The following TNS1 variants were observed in gnomAD, a reference collection of about 807,000 sequenced individuals.
The protein encoded by TNS1 is tensin 1.
TNS1 carries 62 observed loss-of-function variants against 168.6 expected under a neutral mutation model. The observed-to-expected ratio is 0.37, with a 90% CI of 0.30 to 0.45. The LOEUF (loss-of-function observed/expected upper bound fraction) is 0.45. Among genes scored for constraint, TNS1 ranks in the 20% least tolerant of loss-of-function variants. The pLI is 1.00. For synonymous variants in TNS1, 934 were observed against 933.2 expected (o/e 1.00, Z -0.02); for missense variants, 2,240 against 2,339.4 (o/e 0.96, Z 0.88).
chr2:218,014,178 C>T (rs1343447309), upstream of TNS1, among the ~76,000 whole-genome samples: 1 of 152,200 alleles, frequency 6.6e-6, no homozygotes, highest in Non-Finnish European at 1.5e-5. Flanking sequence ...ATCACTTGGG[C>T]ATCTGATCGG....
At chr2:217,879,604 G>A (rs879817935) in intron 18 of TNS1, 2 of 291,084 alleles carry the variant, frequency 6.9e-6, no homozygotes, top group Non-Finnish European at 1.4e-5. Flanking sequence ...TGCTCTCAGT[G>A]AGTCCCCAAA....
At chr2:217,970,185 G>A (rs1184876364) in intron 3 of TNS1, among the ~76,000 whole-genome samples, 1 of 152,150 alleles carries the variant, frequency 6.6e-6, no homozygotes, top group African/African-American at 2.4e-5. Flanking sequence ...GGTTTCAGAG[G>A]GAGCACAGGC....
chr2:217,823,494 C>T (rs974226096), intron 22 of TNS1, among the ~76,000 whole-genome samples: 1 of 152,238 alleles, frequency 6.6e-6, no homozygotes, highest in African/African-American at 2.4e-5. Context: ...CCAGCCTTTG[C>T]TGCATAGGGG....
rs149540382 is a variant in TNS1, at chr2:217,848,144, C to T, written c.2373G>A (p.Gln791=). ...QQQQPRPPPR[Q]QERAHLESLV... is the part of the protein sequence containing the mutation. ...GACTCTCCAAGTGGGCTCTTTCCTG[C>T]TGGCGTGGAGGTGGGCGAGGCTGCT... The change falls in exon 19 of 33, where the codon CAG becomes CAA. Residue 791 remains glutamine (Q), a synonymous_variant. Transcript: ENST00000682258. 11 of 1,599,100 alleles carry T rather than the reference C, an allele frequency of 6.9e-6. No individual in the cohort carries two copies. In the African/African-American group the frequency reaches 1.1e-4, roughly 16 times the overall value.
chr2:217,816,560 C>T (rs1359718126), intron 24 of TNS1, among the ~76,000 whole-genome samples: 2 of 152,182 alleles, frequency 1.3e-5, no homozygotes, highest in Non-Finnish European at 2.9e-5. Flanking sequence ...CTGCCTTTCT[C>T]TGTCTGAAGC....
chr2:217,921,761 C>A (rs1013523559), intron 3 of TNS1, among the ~76,000 whole-genome samples: 16 of 152,254 alleles, frequency 1.1e-4, no homozygotes, highest in African/African-American at 3.9e-4. Context: ...CAATAATACC[C>A]AATACTATTG....
intron 3 of TNS1, among the ~76,000 whole-genome samples, chr2:217,930,417 A>C (rs1317077895): frequency 6.6e-6 from 1 of 152,188 alleles, no homozygotes; most frequent in African/African-American, 2.4e-5. Context: ...GAGAACACAA[A>C]GAGACCAGTT....
intron 6 of TNS1, chr2:217,905,456 C>A: frequency 2.6e-6 from 1 of 390,584 alleles, no homozygotes. Flanking sequence ...GGGAGTCAGG[C>A]TGCCTATAGG....
At chr2:217,853,626 C>T (rs1947787761) in intron 18 of TNS1, among the ~76,000 whole-genome samples, 1 of 152,128 alleles carries the variant, frequency 6.6e-6, no homozygotes, top group Non-Finnish European at 1.5e-5. Flanking sequence ...AACCCAAAAT[C>T]TCTCCATGGC....
chr2:217,836,265 T>A lies in TNS1; in HGVS notation c.3008-54A>T, dbSNP rs1300073413. The A allele has an allele frequency of 2.0e-6, 3 of 1,535,736 alleles. No individual in the cohort carries two copies. In the African/African-American group the frequency reaches 4.1e-5, roughly 21 times the overall value. ...ATGAGCATTTTTGTGTAAGAAATGA[T>A]CAATCGGCCTAATCCCATCAGAGAA... On this transcript the variant is annotated intron_variant, in intron 19 of 32. Transcript: ENST00000682258.
chr2:218,007,568 G>T (rs1279729750), upstream of TNS1, among the ~76,000 whole-genome samples: 6 of 76,040 alleles, frequency 7.9e-5, no homozygotes, highest in East Asian at 4.9e-3. Context: ...TCGGGGGGTG[G>T]GGGGGGGGGT....
intron 21 of TNS1, among the ~76,000 whole-genome samples, chr2:217,833,665 T>C (rs1944775687): frequency 6.6e-6 from 1 of 152,226 alleles, no homozygotes; most frequent in Non-Finnish European, 1.5e-5. Flanking sequence ...CGTAACCTGC[T>C]CTAGGCTCAC....
rs550976356 is a variant in TNS1, at chr2:217,886,325, C to T, written c.979+209G>A. Among the ~76,000 whole-genome samples the T allele has an allele frequency of 3.9e-5, 6 of 152,340 alleles. No homozygotes were observed. In the South Asian group the frequency reaches 1.2e-3, roughly 32 times the overall value. ...GCAAATTAAATTAATAAAAACATTG[C>T]CCATCCAACATCATTGGCCAGCAGG... On this transcript the variant is annotated intron_variant, in intron 13 of 32. Coordinates refer to ENST00000682258, the MANE Select transcript of TNS1 (RefSeq NM_001387777.1).
Position 217,813,068 on chromosome 2 carries a change from C to T in TNS1, c.4954+147G>A, listed in dbSNP as rs909544026. 6 of 644,534 alleles carry T rather than the reference C, an allele frequency of 9.3e-6. No homozygotes were observed. The highest frequency in any genetic ancestry group is 1.8e-5 in the African/African-American group (1 of 54,890). The allele number at this position is 644,534 out of a possible 1,614,324, so 39.9% of individuals were successfully genotyped here. ...GAGCCGCACTGCGGAGGGAGAGAAG[C>T]TTTCATTCATTTTCTCTGCTGAATT... is the stretch of plus-strand genomic sequence containing the variant. On this transcript the variant is annotated intron_variant, in intron 27 of 32. Coordinates refer to ENST00000682258, the MANE Select transcript of TNS1 (RefSeq NM_001387777.1). The surrounding 1 kb of genome is among the most constrained non-coding windows in gnomAD (Gnocchi z 4.0).
intron 4 of TNS1, among the ~76,000 whole-genome samples, chr2:217,913,133 AG>A (rs1458796778): frequency 6.6e-6 from 1 of 152,164 alleles, no homozygotes; most frequent in Non-Finnish European, 1.5e-5. Flanking sequence ...GGGCTGGCAG[AG>A]GATGCTGGCA....
intron 2 of TNS1, among the ~76,000 whole-genome samples, chr2:217,979,696 C>A (rs1476144956): frequency 6.6e-6 from 1 of 152,146 alleles, no homozygotes; most frequent in Non-Finnish European, 1.5e-5. Flanking sequence ...CCCTGCAGAT[C>A]TCATGGGTGG....
chr2:217,950,656 G>A (rs1001010096), intron 3 of TNS1, among the ~76,000 whole-genome samples: 2 of 150,020 alleles, frequency 1.3e-5, no homozygotes, highest in Admixed American at 1.3e-4. Flanking sequence ...TATGGAGACC[G>A]ATCCTAGCCA....
At chr2:217,947,828 C>G (rs1472558849) in intron 3 of TNS1, among the ~76,000 whole-genome samples, 1 of 152,152 alleles carries the variant, frequency 6.6e-6, no homozygotes, top group East Asian at 1.9e-4. Flanking sequence ...CCCAGAGATG[C>G]CTTCATTTGT....
upstream of TNS1, among the ~76,000 whole-genome samples, chr2:218,003,386 C>T (rs1958606033): frequency 6.6e-6 from 1 of 152,184 alleles, no homozygotes; most frequent in African/African-American, 2.4e-5. Flanking sequence ...CCCAGGCCCA[C>T]ACAATCAGCA....
Sources: allele counts gnomAD v4.1 joint callset (sites outside exome capture counted in the v4.1 genomes callset), GRCh38; gene constraint gnomAD v4.1.1; non-coding constraint Gnocchi (gnomAD v3.1); transcripts MANE v1.5; gene names NCBI Gene and HGNC (gene_info 2026-07-23, HGNC 2026-07-21).